PRIMPOL: variants seen among roughly 807,000 people sequenced by gnomAD.
PRIMPOL encodes the protein DNA-directed primase/polymerase protein.
PRIMPOL carries 54 observed loss-of-function variants against 63.6 expected under a neutral mutation model. The observed-to-expected ratio is 0.85, with a 90% CI of 0.68 to 1.07. The LOEUF (loss-of-function observed/expected upper bound fraction) is 1.07. Ranked by LOEUF, PRIMPOL falls within the 50% of genes least tolerant of loss-of-function variation. The pLI, the probability that PRIMPOL is intolerant of heterozygous loss-of-function variation, is 0.00. For missense variants in PRIMPOL, 610 were observed against 648.3 expected (o/e 0.94, Z 0.64); for synonymous variants, 197 against 220.2 (o/e 0.89, Z 0.93).
chr4:184,657,444 TGTA>T, intron 3 of PRIMPOL, 124 bp downstream of exon 3: 1 of 738,728 alleles, frequency 1.4e-6, no homozygotes, highest in South Asian at 2.3e-5. Flanking sequence ...TTTCAGGCCA[TGTA>T]TTCTACCAAG....
At chr4:184,689,867 A>G (rs957860456) in intron 11 of PRIMPOL, among the ~76,000 whole-genome samples, 1 of 152,204 alleles carries the variant, frequency 6.6e-6, no homozygotes, top group Non-Finnish European at 1.5e-5. Flanking sequence ...GAGTTTTCAG[A>G]TTGCTCAAGA....
chr4:184,686,674 G>A (rs1249877866), intron 11 of PRIMPOL, among the ~76,000 whole-genome samples: 1 of 152,098 alleles, frequency 6.6e-6, no homozygotes, highest in Non-Finnish European at 1.5e-5. Context: ...TTTATTTCAT[G>A]TCAAAGCAAC....
At chr4:184,685,363 T>G in intron 9 of PRIMPOL, 46 bp from the exon 10 acceptor site, 1 of 1,386,440 alleles carries the variant, frequency 7.2e-7, no homozygotes, top group Non-Finnish European at 1.0e-6. Flanking sequence ...ATTTAACTTC[T>G]CAACTTTCAG....
chr4:184,670,508 A>T (rs911863229), intron 6 of PRIMPOL, among the ~76,000 whole-genome samples: 2 of 151,808 alleles, frequency 1.3e-5, no homozygotes, highest in African/African-American at 4.8e-5. Context: ...TTAGTGCTTT[A>T]TAAGAAATTG....
At chr4:184,656,685 C>T (rs1228231751) in intron 2 of PRIMPOL, among the ~76,000 whole-genome samples, 2 of 151,924 alleles carry the variant, frequency 1.3e-5, no homozygotes, top group East Asian at 1.9e-4. Context: ...GGTCATAGCA[C>T]GTGATACAAT....
chr4:184,653,835 G>C (rs1323697388), intron 2 of PRIMPOL, among the ~76,000 whole-genome samples: 1 of 152,182 alleles, frequency 6.6e-6, no homozygotes, highest in Non-Finnish European at 1.5e-5. Flanking sequence ...AGAGGGGAGG[G>C]ATGAGGAATG....
chr4:184,678,456 A>G (rs1307817900), intron 8 of PRIMPOL, 62 bp downstream of exon 8: 16 of 1,163,500 alleles, frequency 1.4e-5, no homozygotes, highest in African/African-American at 1.6e-5. Context: ...AGTGAATGGC[A>G]TTGTATATTA....
chr4:184,675,611 G>T (rs1295963064), intron 7 of PRIMPOL, among the ~76,000 whole-genome samples: 1 of 152,124 alleles, frequency 6.6e-6, no homozygotes, highest in Admixed American at 6.6e-5. Flanking sequence ...GAGGTCAGGA[G>T]TTCAAGACCA....
chr4:184,678,511 C>A, intron 8 of PRIMPOL, 117 bp downstream of exon 8: 59 of 603,736 alleles, frequency 9.8e-5, no homozygotes, highest in Non-Finnish European at 1.4e-4. Context: ...AAGAAAATGT[C>A]AGTTCTTACA....
At position 184,672,240 on chromosome 4, in the gene PRIMPOL, T is replaced by C. The variant is rs754272222; in HGVS notation, c.624T>C (p.Ala208=). The C allele has an allele frequency of 1.4e-5, 22 of 1,613,972 alleles. No individual in the cohort carries two copies. The highest frequency in any genetic ancestry group is 1.8e-5 in the Non-Finnish European group (21 of 1,180,032). The change falls in exon 7 of 14, where the codon GCT becomes GCC. Residue 208 remains alanine (A), a synonymous_variant. Transcript: ENST00000314970. The part of the protein sequence containing the change: ...DLLGSEDDDS[A]PETTGHGFPH... ...TTGGCAGTGAAGATGATGATAGCGC[T>C]CCAGAGACAACAGGCCATGGATTTC...
rs1355101942 is a variant in PRIMPOL at position 184,667,654 on chromosome 4, G to A, written c.556+1590G>A. ...ACGGCCTTACAAGATTGGGTGTCTG[G>A]TAGACAGGCACATTCAGGGCAGTTA... On this transcript the variant is annotated intron_variant, in intron 6 of 13. Transcript: ENST00000314970. 2.0e-5 allele frequency among the ~76,000 whole-genome samples: 3 copies of A among 152,120 alleles called. No individual in the cohort carries two copies. In the East Asian group the frequency reaches 5.8e-4, roughly 29 times the overall value.
At chr4:184,654,871 A>G (rs1482640705) in intron 2 of PRIMPOL, among the ~76,000 whole-genome samples, 1 of 152,136 alleles carries the variant, frequency 6.6e-6, no homozygotes, top group African/African-American at 2.4e-5. Flanking sequence ...GTTTCCTAGT[A>G]TATACTTTAT....
intron 2 of PRIMPOL, among the ~76,000 whole-genome samples, chr4:184,655,244 A>G (rs1560932440): frequency 6.6e-6 from 1 of 151,004 alleles, no homozygotes; most frequent in Admixed American, 6.6e-5. Context: ...TCCTGACCTC[A>G]GGTAATCCGC....
chr4:184,694,311 G>C, intron 13 of PRIMPOL: 1 of 1,329,702 alleles, frequency 7.5e-7, no homozygotes, highest in Non-Finnish European at 9.6e-7. Context: ...CAAATTTGGA[G>C]TTTCAAGTGT....
intron 6 of PRIMPOL, among the ~76,000 whole-genome samples, chr4:184,671,697 G>A (rs1457743031): frequency 2.0e-5 from 3 of 150,576 alleles, no homozygotes; most frequent in Non-Finnish European, 4.4e-5. Flanking sequence ...TTTCACAAAA[G>A]GAAGTCACAG....
intron 7 of PRIMPOL, among the ~76,000 whole-genome samples, chr4:184,676,297 C>T (rs1247109634): frequency 2.8e-5 from 4 of 141,424 alleles, no homozygotes; most frequent in African/African-American, 1.1e-4. Context: ...CTTCCCTCCC[C>T]TCCCCTGCCT....
rs560651739 is a variant in PRIMPOL at position 184,669,958 on chromosome 4, T to C, written c.557-2215T>C. ...ATTGTCAGCCTTTCAGAAAAGAGAA[T>C]TCAGTTAAATGTAAGAGATCATAGA... On this transcript the variant is annotated intron_variant, in intron 6 of 13. Coordinates refer to ENST00000314970, the MANE Select transcript of PRIMPOL (RefSeq NM_152683.4). 9.2e-5 allele frequency among the ~76,000 whole-genome samples: 14 copies of C among 152,338 alleles called. No homozygotes were observed. The East Asian group carries it at 2.5e-3, about 27-fold the overall frequency.
chr4:184,685,585 G>A lies in PRIMPOL; in HGVS notation c.1196G>A (p.Arg399His), dbSNP rs374000795. ...NKDGIKGGIR[R>H]WNYFFPEELL... ...ATTATTTGCATTTTAGGAATTCGGCGTTGGAACTACTTTTTCCCAGAAGAA... is the reference window on the plus strand; with the variant it reads ...ATTATTTGCATTTTAGGAATTCGGCATTGGAACTACTTTTTCCCAGAAGAA... Residue 399 changes from arginine to histidine, a missense_variant, in exon 11 of 14, where the codon CGT becomes CAT. Physicochemically the swap from Arg to His is conservative, Grantham distance 29. Transcript: ENST00000314970. The A allele has an allele frequency of 2.3e-5, 37 of 1,611,236 alleles. No homozygotes were observed. Among genetic ancestry groups the A allele is most frequent in the Admixed American group, 1.7e-4 (10 of 59,928 alleles).
rs184414039 is a variant in PRIMPOL at position 184,668,954 on chromosome 4, C to T, written c.556+2890C>T. 1.3e-4 allele frequency among the ~76,000 whole-genome samples: 19 copies of T among 150,448 alleles called. No individual in the cohort carries two copies. The East Asian group carries it at 2.2e-3, about 17-fold the overall frequency. On this transcript the variant is annotated intron_variant, in intron 6 of 13. Transcript: ENST00000314970. ...AATACAAGTCGGCAGCCTCATCTCC[C>T]GCCACCCTGCCCTTTTCATTCAGCT...
Sources: gnomAD v4.1 joint callset for allele counts (sites outside exome capture counted in the v4.1 genomes callset) on GRCh38, gnomAD v4.1.1 for gene constraint, MANE v1.5 for transcripts, NCBI Gene and HGNC (gene_info 2026-07-23, HGNC 2026-07-21) for gene names.